CFAP299: variants seen among roughly 807,000 people sequenced by gnomAD.
The protein encoded by CFAP299 is cilia- and flagella-associated protein 299.
In CFAP299, 21 loss-of-function variants were observed where a neutral mutation model predicts 27.0. That is an observed-to-expected ratio of 0.78 (90% CI 0.55 to 1.12). The LOEUF is 1.12. Ranked by LOEUF, CFAP299 falls within the 50% of genes most tolerant of loss-of-function variation. The probability of loss-of-function intolerance (pLI) is 0.00; values close to 1 mark genes in which losing one functional copy is unlikely to be tolerated. For missense variants in CFAP299, 310 were observed against 276.6 expected (o/e 1.12, Z -0.86); for synonymous variants, 104 against 98.1 (o/e 1.06, Z -0.36).
At chr4:80,390,546 C>CATATATGTATATATGTATATATACACAT (rs2110032887) in intron 2 of CFAP299, among the ~76,000 whole-genome samples, 2 of 21,732 alleles carry the variant, frequency 9.2e-5, no homozygotes, top group South Asian at 4.5e-3. Flanking sequence ...TGTATACACA[C>CATATATGTATATATGTATATATACACAT]ATATATGTAT....
intron 4 of CFAP299, among the ~76,000 whole-genome samples, chr4:80,915,888 C>G (rs187720980): frequency 6.6e-6 from 1 of 151,954 alleles, no homozygotes; most frequent in Non-Finnish European, 1.5e-5. Context: ...GCATATTTAT[C>G]AAATATATAT....
chr4:80,827,104 A>C (rs1000563130), intron 3 of CFAP299, among the ~76,000 whole-genome samples: 1 of 151,876 alleles, frequency 6.6e-6, no homozygotes, highest in Non-Finnish European at 1.5e-5. Flanking sequence ...CAACATTATA[A>C]GTTGTTGAAT....
At chr4:80,328,470 A>G in the CFAP299 span, among the ~76,000 whole-genome samples, 1 of 150,422 alleles carries the variant, frequency 6.6e-6, no homozygotes, top group Non-Finnish European at 1.5e-5. Context: ...ATTAATACCT[A>G]AGAACAAGTG....
intron 3 of CFAP299, among the ~76,000 whole-genome samples, chr4:80,632,108 G>A (rs1385027899): frequency 1.3e-5 from 2 of 151,980 alleles, no homozygotes; most frequent in Non-Finnish European, 2.9e-5. Context: ...CCAAAATTGT[G>A]AGAAGGAAAT....
At chr4:80,681,589 A>G (rs1388672384) in intron 3 of CFAP299, among the ~76,000 whole-genome samples, 1 of 152,200 alleles carries the variant, frequency 6.6e-6, no homozygotes, top group Non-Finnish European at 1.5e-5. Context: ...CCAGGAACCT[A>G]GAGATGAAGC....
intron 2 of CFAP299, chr4:80,386,271 C>A: frequency 8.2e-7 from 1 of 1,222,730 alleles, no homozygotes. Context: ...GGTTGGAGCC[C>A]AGCCCCTCAG....
intron 2 of CFAP299, among the ~76,000 whole-genome samples, chr4:80,454,623 A>G (rs1322733570): frequency 1.3e-5 from 2 of 152,228 alleles, no homozygotes; most frequent in South Asian, 4.1e-4. Context: ...AAATTGAAAC[A>G]TAAGAAAACC....
intron 3 of CFAP299, among the ~76,000 whole-genome samples, chr4:80,637,885 G>A (rs891544890): frequency 2.0e-5 from 3 of 152,160 alleles, no homozygotes; most frequent in African/African-American, 2.4e-5. Flanking sequence ...TTTAAAGTCA[G>A]TACAATCTCT....
intron 3 of CFAP299, among the ~76,000 whole-genome samples, chr4:80,670,776 A>G (rs1039519665): frequency 1.3e-5 from 2 of 152,214 alleles, no homozygotes; most frequent in Non-Finnish European, 2.9e-5. Flanking sequence ...TGTTGGCTGC[A>G]TAAATGTCTT....
chr4:80,815,542 A>G (rs1729378544), intron 3 of CFAP299, among the ~76,000 whole-genome samples: 1 of 152,084 alleles, frequency 6.6e-6, no homozygotes, highest in Non-Finnish European at 1.5e-5. Flanking sequence ...ATAAAGCGGC[A>G]CAGAATAATG....
rs560719589 is a variant in CFAP299 at position 80,386,140 on chromosome 4, G to A, written c.242+23256G>A. The A allele has an allele frequency of 1.1e-4, 57 of 524,508 alleles. 1 individual carries two copies. In the Middle Eastern group the frequency reaches 2.5e-3, roughly 23 times the overall value. 32.5% of individuals were successfully genotyped at this position (524,508 alleles called of 1,614,324 possible). On this transcript the variant is annotated intron_variant, in intron 2 of 5. Coordinates refer to ENST00000358105, the MANE Select transcript of CFAP299 (RefSeq NM_152770.3). Reference sequence around the variant, plus strand: ...CCAGGGAGCCTGGACCCAAACATGAGCATCAGGCCTTCCCAGGAAACGAAC... The same window carrying A: ...CCAGGGAGCCTGGACCCAAACATGAACATCAGGCCTTCCCAGGAAACGAAC...
chr4:80,589,566 A>C (rs1736618325), intron 3 of CFAP299, among the ~76,000 whole-genome samples: 1 of 152,178 alleles, frequency 6.6e-6, no homozygotes, highest in East Asian at 1.9e-4. Context: ...AAAGCTGACA[A>C]AGCATTTGTA....
chr4:80,450,748 T>C (rs1031402497), intron 2 of CFAP299, among the ~76,000 whole-genome samples: 15 of 152,104 alleles, frequency 9.9e-5, no homozygotes, highest in African/African-American at 3.6e-4. Flanking sequence ...TAAAAACTGA[T>C]GAGTATAATA....
At chr4:80,432,533 A>ATTTTT (rs58017511) in intron 2 of CFAP299, among the ~76,000 whole-genome samples, 7 of 120,970 alleles carry the variant, frequency 5.8e-5, no homozygotes, top group East Asian at 2.4e-4. Flanking sequence ...TTTACACTCT[A>ATTTTT]TTTTTTTTTT....
At chr4:80,844,624 G>T (rs1390633818) in intron 3 of CFAP299, among the ~76,000 whole-genome samples, 2 of 152,072 alleles carry the variant, frequency 1.3e-5, no homozygotes, top group Non-Finnish European at 2.9e-5. Flanking sequence ...TTGTAAATTT[G>T]TTTGAGTTCA....
intron 5 of CFAP299, among the ~76,000 whole-genome samples, chr4:80,952,420 T>A (rs572160315): frequency 6.6e-6 from 1 of 152,282 alleles, no homozygotes; most frequent in African/African-American, 2.4e-5. Context: ...TCTGCCTAGG[T>A]AGGTGGATAA....
Position 80,591,104 on chromosome 4 carries a change from AATT to A in CFAP299, c.333+7922_333+7924del, listed in dbSNP as rs1736727912. Reference sequence around the variant, plus strand: ...AGAAACAGATTATAATACTTTAGGAAATTTTTTTTTTTTTTTTTTTTTTTTTTA... The same window carrying A: ...AGAAACAGATTATAATACTTTAGGAATTTTTTTTTTTTTTTTTTTTTTTTA... On this transcript the variant is annotated intron_variant, in intron 3 of 5. Transcript: ENST00000358105. Among the ~76,000 whole-genome samples the A allele has an allele frequency of 2.6e-5, 3 of 116,498 alleles. No individual in the cohort carries two copies. In the Admixed American group the frequency reaches 2.8e-4, roughly 11 times the overall value. 76.4% of individuals were successfully genotyped at this position (116,498 alleles called of 152,430 possible). A position where few individuals can be genotyped will look rare whatever the true frequency, so the allele number is the denominator to read the frequency against.
intron 3 of CFAP299, among the ~76,000 whole-genome samples, chr4:80,840,515 T>A (rs1045163831): frequency 2.2e-4 from 33 of 152,122 alleles, no homozygotes; most frequent in African/African-American, 6.8e-4. Flanking sequence ...TATTTTTTTA[T>A]CTTCAGATCA....
At chr4:80,844,311 T>A (rs1731039306) in intron 3 of CFAP299, among the ~76,000 whole-genome samples, 1 of 152,150 alleles carries the variant, frequency 6.6e-6, no homozygotes, top group Non-Finnish European at 1.5e-5. Flanking sequence ...TAGTTCTAGA[T>A]CCCTGAGGAA....
Sources: allele counts gnomAD v4.1 joint callset (sites outside exome capture counted in the v4.1 genomes callset), GRCh38; gene constraint gnomAD v4.1.1; transcripts MANE v1.5; gene names NCBI Gene and HGNC (gene_info 2026-07-23, HGNC 2026-07-21).